The following EDA variants were observed in gnomAD, a reference collection of about 807,000 sequenced individuals.
EDA encodes the protein ectodysplasin A.
A neutral mutation model predicts 23.6 loss-of-function variants in EDA; 2 were observed. That is an observed-to-expected ratio of 0.08 (90% CI 0.03 to 0.27). The LOEUF is 0.27. EDA is among the 10% of genes least tolerant of loss of function. The pLI, the probability that EDA is intolerant of heterozygous loss-of-function variation, is 1.00. For synonymous variants in EDA, 131 were observed against 132.0 expected (o/e 0.99, Z 0.05); for missense variants, 229 against 324.2 (o/e 0.71, Z 2.26).
chrX:69,665,945 A>C (rs1933666783), intron 1 of EDA, among the ~76,000 whole-genome samples: 1 of 111,335 alleles, frequency 9.0e-6, no homozygotes, highest in African/African-American at 3.3e-5. Flanking sequence ...CCAATCGATG[A>C]GCATGGGATA....
At chrX:69,895,323 G>A (rs2017995548) in intron 1 of EDA, among the ~76,000 whole-genome samples, 1 of 108,270 alleles carries the variant, frequency 9.2e-6, no homozygotes, top group Admixed American at 1.0e-4. Context: ...GTTTCCAGCG[G>A]TGAGACTGGA....
intron 1 of EDA, among the ~76,000 whole-genome samples, chrX:69,866,422 A>G (rs994850753): frequency 5.4e-5 from 6 of 111,226 alleles, no homozygotes; most frequent in African/African-American, 2.0e-4. Context: ...CTTAACTTCC[A>G]GTTTAATGGA....
rs374491553 is a variant in EDA, at chrX:69,788,646, C to G, written c.397-168381C>G. On this transcript the variant is annotated intron_variant, in intron 1 of 7. Transcript: ENST00000374552. ...GAGCCACTTGAGGAGGCAGTCTGCC[C>G]GTTCTCAGATCTCCAGCTGCGTGCT... is the stretch of plus-strand genomic sequence containing the variant. Among the ~76,000 whole-genome samples, 5 of 112,262 alleles carry G rather than the reference C, an allele frequency of 4.5e-5. No individual in the cohort carries two copies. The South Asian group carries it at 1.8e-3, about 41-fold the overall frequency.
chrX:69,876,957 A>G (rs947981061), intron 1 of EDA, among the ~76,000 whole-genome samples: 1 of 112,243 alleles, frequency 8.9e-6, no homozygotes, highest in Non-Finnish European at 1.9e-5. Context: ...ATATAGGAGT[A>G]GCACTACTGG....
intron 1 of EDA, among the ~76,000 whole-genome samples, chrX:69,812,894 A>T (rs2015993575): frequency 9.0e-6 from 1 of 111,430 alleles, no homozygotes; most frequent in Non-Finnish European, 1.9e-5. Flanking sequence ...TTACTGTGGG[A>T]CTGTATTTGA....
At chrX:69,978,513 A>ATAAAT (rs1189565419) in intron 2 of EDA, among the ~76,000 whole-genome samples, 4 of 102,854 alleles carry the variant, frequency 3.9e-5, no homozygotes, top group Non-Finnish European at 7.8e-5. Flanking sequence ...AAAAAAAAAA[A>ATAAAT]AAAAAAAGAA....
chrX:69,661,368 A>G (rs1195075824), intron 1 of EDA, among the ~76,000 whole-genome samples: 3 of 99,629 alleles, frequency 3.0e-5, no homozygotes, highest in African/African-American at 1.1e-4. Context: ...CCATTTGTCA[A>G]TTTTGGCTTT....
chrX:69,670,181 C>CTGTTTTT, intron 1 of EDA: 1 of 189,585 alleles, frequency 5.3e-6, no homozygotes, highest in Non-Finnish European at 8.3e-6. Context: ...TCTTGGCTGA[C>CTGTTTTT]TGTTTTTTTT....
chrX:69,706,054 T>C (rs752924427), intron 1 of EDA, among the ~76,000 whole-genome samples: 11 of 112,366 alleles, frequency 9.8e-5, no homozygotes, highest in Non-Finnish European at 1.7e-4. Context: ...CCTGCCTTTC[T>C]TCCGGTGCAG....
intron 1 of EDA, among the ~76,000 whole-genome samples, chrX:69,908,781 T>C (rs1315631125): frequency 9.1e-6 from 1 of 110,085 alleles, no homozygotes; most frequent in Non-Finnish European, 1.9e-5. Context: ...GAGTGGAGGA[T>C]ATATAGGAAG....
At position 69,650,165 on chromosome X, in the gene EDA, G is replaced by A. The variant is rs987399928; in HGVS notation, c.396+33461G>A. Among the ~76,000 whole-genome samples the A allele has an allele frequency of 9.8e-5, 11 of 111,814 alleles. No individual in the cohort carries two copies. In the South Asian group the frequency reaches 1.5e-3, roughly 15 times the overall value. On this transcript the variant is annotated intron_variant, in intron 1 of 7. Transcript: ENST00000374552. ...CCTCTATGGAATAATAACATCTTCCGTCTCTCATAGGATACTAGGAATGTC... is the reference window on the plus strand; with the variant it reads ...CCTCTATGGAATAATAACATCTTCCATCTCTCATAGGATACTAGGAATGTC...
intron 1 of EDA, among the ~76,000 whole-genome samples, chrX:69,671,253 G>A (rs1401458923): frequency 9.0e-6 from 1 of 111,450 alleles, no homozygotes; most frequent in Non-Finnish European, 1.9e-5. Flanking sequence ...CAGTGATGGT[G>A]GCTTCATAGG....
chrX:69,817,156 G>A (rs953684068), intron 1 of EDA, among the ~76,000 whole-genome samples: 2 of 111,819 alleles, frequency 1.8e-5, no homozygotes, highest in Non-Finnish European at 3.8e-5. Context: ...ATCCTTTTCA[G>A]ACAGGCGAAT....
At chrX:69,819,065 A>T (rs1052432789) in intron 1 of EDA, among the ~76,000 whole-genome samples, 5 of 112,487 alleles carry the variant, frequency 4.4e-5, no homozygotes, top group African/African-American at 1.6e-4. Context: ...TTGGTTCAAC[A>T]TATGCAAATC....
chrX:69,663,241 A>G (rs1310055812), intron 1 of EDA, among the ~76,000 whole-genome samples: 1 of 111,925 alleles, frequency 8.9e-6, no homozygotes, highest in Admixed American at 9.5e-5. Context: ...TGCCCTCACA[A>G]GCCCAAGGCA....
chrX:69,645,970 A>G (rs1932919142), intron 1 of EDA, among the ~76,000 whole-genome samples: 1 of 110,830 alleles, frequency 9.0e-6, no homozygotes, highest in Non-Finnish European at 1.9e-5. Flanking sequence ...TCAGGAGCAT[A>G]TTGTTCAATT....
chrX:69,968,750 T>C (rs2019209300), intron 2 of EDA, among the ~76,000 whole-genome samples: 1 of 112,373 alleles, frequency 8.9e-6, no homozygotes, highest in Non-Finnish European at 1.9e-5. Flanking sequence ...ACTATACCAA[T>C]ATCTGGTGCA....
chrX:69,655,229 C>G (rs1246694680), intron 1 of EDA, among the ~76,000 whole-genome samples: 1 of 111,342 alleles, frequency 9.0e-6, no homozygotes, highest in East Asian at 2.9e-4. Context: ...AACCCCGTCT[C>G]TACTAAAAAT....
intron 1 of EDA, chrX:69,687,512 A>G (rs1175968371): frequency 9.0e-6 from 1 of 111,628 alleles, no homozygotes; most frequent in African/African-American, 3.3e-5. Flanking sequence ...AGTTTTCAGC[A>G]TAAGTTCTAC....
Sources: gnomAD v4.1 joint callset for allele counts (sites outside exome capture counted in the v4.1 genomes callset) on GRCh38, gnomAD v4.1.1 for gene constraint, MANE v1.5 for transcripts, NCBI Gene and HGNC (gene_info 2026-07-23, HGNC 2026-07-21) for gene names.